Variants in INO80 observed in about 807,000 individuals in gnomAD.
INO80 encodes the protein chromatin-remodeling ATPase INO80.
Under a neutral mutation model 203.4 loss-of-function variants are expected in INO80, and 20 were observed. The observed-to-expected ratio is 0.10, with a 90% CI of 0.07 to 0.14. The LOEUF (loss-of-function observed/expected upper bound fraction) is 0.14. Among genes scored for constraint, INO80 ranks in the 10% least tolerant of loss-of-function variants. The probability of loss-of-function intolerance (pLI) is 1.00; values close to 1 mark genes in which losing one functional copy is unlikely to be tolerated. For missense variants in INO80, 1,419 were observed against 1,914.4 expected (o/e 0.74, Z 4.83); for synonymous variants, 726 against 685.2 (o/e 1.06, Z -0.93).
chr15:41,001,169 G>A (rs1340088989), intron 28 of INO80, among the ~76,000 whole-genome samples: 1 of 152,146 alleles, frequency 6.6e-6, no homozygotes, highest in Non-Finnish European at 1.5e-5. Context: ...CTAAACAGGA[G>A]AAAACAAAAT....
At chr15:41,056,449 A>G (rs2044986236) in intron 17 of INO80, among the ~76,000 whole-genome samples, 173 bp downstream of exon 17, 1 of 152,256 alleles carries the variant, frequency 6.6e-6, no homozygotes, top group African/African-American at 2.4e-5. Context: ...AGAGAATAAG[A>G]AAACAGGAAT....
rs543890229 is a variant in INO80 at position 40,987,271 on chromosome 15, G to C, written c.3730-78C>G. ...AAATATCCAGAAAAAGATACACATC[G>C]TTCTCAACCCACTCCTCAGGGGAGG... On this transcript the variant is annotated intron_variant, in intron 30 of 35. Transcript: ENST00000648947. 29 of 857,014 alleles carry C rather than the reference G, an allele frequency of 3.4e-5. No homozygotes were observed. The East Asian group carries it at 7.1e-4, about 21-fold the overall frequency. 53.1% of individuals were successfully genotyped at this position (857,014 alleles called of 1,614,324 possible).
intron 16 of INO80, among the ~76,000 whole-genome samples, chr15:41,057,261 C>T (rs1167798227): frequency 5.3e-5 from 8 of 151,856 alleles, no homozygotes; most frequent in African/African-American, 1.9e-4. Flanking sequence ...TCAAGACCAA[C>T]CTGTGCAGCA....
rs1397759892 is a variant in INO80 at position 41,095,682 on chromosome 15, C to T, written c.314-14G>A. On this transcript the variant is annotated splice_polypyrimidine_tract_variant and intron_variant, in intron 3 of 35. Transcript: ENST00000648947. Reference sequence around the variant, plus strand: ...CACATTTTGATTCTGTATAAAGAAACACAAAGAATAAAAAAATTAAAGGAT... The same window carrying T: ...CACATTTTGATTCTGTATAAAGAAATACAAAGAATAAAAAAATTAAAGGAT... 1 of 1,607,512 alleles carries T rather than the reference C, an allele frequency of 6.2e-7. No individual in the cohort carries two copies. The highest frequency in any genetic ancestry group is 2.2e-5 in the East Asian group (1 of 44,844).
Position 41,044,969 on chromosome 15 carries a change from C to A in INO80, c.2842G>T (p.Asp948Tyr). ...GGAAAATTAACCCCAAGAAGGAAAT[C>A]CTTGTTCCTCAGGTATCTCTGGTGG... ...ESHQRYLRNK[D>Y]FLLGVNFPLS... Residue 948 changes from aspartate to tyrosine, a missense_variant, in exon 24 of 36, where the codon GAT becomes TAT. Physicochemically the swap from Asp to Tyr is radical, Grantham distance 160. Coordinates refer to ENST00000648947, the MANE Select transcript of INO80 (RefSeq NM_017553.3). 6.2e-7 allele frequency: 1 copy of A among 1,614,004 alleles called. No individual in the cohort carries two copies. The highest frequency in any genetic ancestry group is 8.5e-7 in the Non-Finnish European group (1 of 1,179,976).
At chr15:41,080,982 CA>C (rs2140626747) in intron 8 of INO80, 37 bp downstream of exon 8, 1 of 1,390,682 alleles carries the variant, frequency 7.2e-7, no homozygotes, top group East Asian at 2.3e-5. Context: ...TATATTCCAG[CA>C]AAACATGAAA....
intron 5 of INO80, among the ~76,000 whole-genome samples, chr15:41,088,957 G>A (rs561916856): frequency 1.3e-5 from 2 of 152,020 alleles, no homozygotes; most frequent in Non-Finnish European, 2.9e-5. Flanking sequence ...GGAAGGCCAA[G>A]GTGGGCAAAT....
rs71104768 is a variant in INO80 at position 41,035,821 on chromosome 15, C to CAAA, written c.2908-8088_2908-8086dup. Among the ~76,000 whole-genome samples the CAAA allele has an allele frequency of 9.6e-3, 193 of 20,146 alleles. 72 individuals carry two copies. Among genetic ancestry groups the CAAA allele is most frequent in the Non-Finnish European group, 0.013 (171 of 13,122 alleles). The allele number at this position is 20,146 out of a possible 152,430, so 13.2% of individuals were successfully genotyped here. On this transcript the variant is annotated intron_variant, in intron 24 of 35. Transcript: ENST00000648947. Reference sequence around the variant, plus strand: ...TGGGGGACAGAGTGAGACTCTGTCTCAAAAAAAAAAAAAAAAAAAAAAAAA... The same window carrying CAAA: ...TGGGGGACAGAGTGAGACTCTGTCTCAAAAAAAAAAAAAAAAAAAAAAAAAAAA...
chr15:41,116,013 G>T lies in INO80; in HGVS notation c.-84C>A, dbSNP rs565649922. 4 of 391,262 alleles carry T rather than the reference G, an allele frequency of 1.0e-5. No individual in the cohort carries two copies. The Admixed American group carries it at 1.3e-4, about 13-fold the overall frequency. 24.2% of individuals were successfully genotyped at this position (391,262 alleles called of 1,614,324 possible). A position where few individuals can be genotyped will look rare whatever the true frequency, so the allele number is the denominator to read the frequency against. Reference sequence around the variant, plus strand: ...CCCGCCGCCGCGACGGCGGCGGAGGGGGGGCGGGGTGCGGGCGGGGTCCGG... The same window carrying T: ...CCCGCCGCCGCGACGGCGGCGGAGGTGGGGCGGGGTGCGGGCGGGGTCCGG... On this transcript the variant is annotated 5_prime_UTR_variant, in exon 1 of 36. Transcript: ENST00000648947.
At chr15:41,111,092 T>C (rs1357257782) in intron 1 of INO80, among the ~76,000 whole-genome samples, 5 of 152,212 alleles carry the variant, frequency 3.3e-5, no homozygotes, top group East Asian at 1.9e-4. Flanking sequence ...TTTTACTTAC[T>C]GAAAAGCACT....
intron 25 of INO80, among the ~76,000 whole-genome samples, chr15:41,025,677 T>C (rs969793877): frequency 6.6e-5 from 10 of 152,118 alleles, no homozygotes; most frequent in South Asian, 2.1e-4. Flanking sequence ...GTTGTGTCAC[T>C]GCACTCCAGC....
intron 23 of INO80, 139 bp downstream of exon 23, chr15:41,047,269 A>C (rs2044784972): frequency 1.5e-6 from 1 of 683,778 alleles, no homozygotes; most frequent in Non-Finnish European, 2.5e-6. Context: ...CCAGCCTACA[A>C]ACTTTATTCT....
intron 9 of INO80, among the ~76,000 whole-genome samples, chr15:41,077,456 G>A (rs191119442): frequency 2.7e-4 from 41 of 151,404 alleles, no homozygotes; most frequent in African/African-American, 9.7e-4. Context: ...TATAGCACTT[G>A]AGCCAGATCC....
At chr15:41,060,917 T>C (rs569492539) in intron 14 of INO80, among the ~76,000 whole-genome samples, 1 of 152,242 alleles carries the variant, frequency 6.6e-6, no homozygotes, top group African/African-American at 2.4e-5. Flanking sequence ...CATTAAAAAA[T>C]AACCAGACAT....
At chr15:41,106,117 A>G (rs1308778373) in intron 1 of INO80, among the ~76,000 whole-genome samples, 1 of 151,908 alleles carries the variant, frequency 6.6e-6, no homozygotes, top group African/African-American at 2.4e-5. Context: ...ACTTTGGCCA[A>G]CCGCAGTGAC....
chr15:41,099,266 A>AC (rs2045771308), intron 1 of INO80, among the ~76,000 whole-genome samples: 13 of 122,114 alleles, frequency 1.1e-4, no homozygotes, highest in Non-Finnish European at 1.9e-4. Flanking sequence ...AAAAAAAAAA[A>AC]ACAAACACAC....
intron 12 of INO80, among the ~76,000 whole-genome samples, chr15:41,071,409 A>G (rs1220159468): frequency 1.3e-5 from 2 of 150,232 alleles, no homozygotes; most frequent in African/African-American, 2.5e-5. Context: ...ACAGCTTTTT[A>G]AAAGGGTGAA....
chr15:41,018,050 G>C (rs2044236937), intron 26 of INO80: 1 of 151,706 alleles, frequency 6.6e-6, no homozygotes, highest in African/African-American at 2.4e-5. Flanking sequence ...AATTTTGATA[G>C]CTCCTAAACA....
At chr15:41,041,769 T>C (rs1375994110) in intron 24 of INO80, among the ~76,000 whole-genome samples, 2 of 151,942 alleles carry the variant, frequency 1.3e-5, no homozygotes, top group Non-Finnish European at 1.5e-5. Flanking sequence ...ATTCAGAACC[T>C]AGGCTAACCT....
Sources: allele counts gnomAD v4.1 joint callset (sites outside exome capture counted in the v4.1 genomes callset), GRCh38; gene constraint gnomAD v4.1.1; transcripts MANE v1.5; gene names NCBI Gene and HGNC (gene_info 2026-07-23, HGNC 2026-07-21).